Variants in REC114 observed in about 807,000 individuals in gnomAD.
REC114 encodes the protein meiotic recombination protein REC114.
Under a neutral mutation model 31.3 loss-of-function variants are expected in REC114, and 27 were observed. The ratio of observed to expected loss-of-function variants is 0.86; its 90% CI spans 0.64 to 1.19. The LOEUF (loss-of-function observed/expected upper bound fraction) is 1.19. Among genes scored for constraint, REC114 ranks in the 50% most tolerant of loss-of-function variants. The pLI is 0.00. For synonymous variants in REC114, 134 were observed against 127.7 expected (o/e 1.05, Z -0.33); for missense variants, 344 against 326.9 (o/e 1.05, Z -0.40).
intron 2 of REC114, among the ~76,000 whole-genome samples, chr15:73,508,343 CAT>C (rs1056937419): frequency 1.3e-5 from 2 of 151,296 alleles, no homozygotes; most frequent in Admixed American, 6.6e-5. Flanking sequence ...CTGCTGGTGA[CAT>C]AGCACACTGT....
At chr15:73,494,863 C>T (rs1009048037) in intron 2 of REC114, among the ~76,000 whole-genome samples, 2 of 152,122 alleles carry the variant, frequency 1.3e-5, no homozygotes, top group South Asian at 2.1e-4. Context: ...GGAAAGTTAG[C>T]GTATATATCT....
intron 2 of REC114, among the ~76,000 whole-genome samples, chr15:73,513,361 A>G (rs1448308931): frequency 1.3e-5 from 2 of 149,766 alleles, no homozygotes; most frequent in Non-Finnish European, 3.0e-5. Context: ...TTTTTTTCAA[A>G]GTTTTCAACT....
rs148736034 is a variant in REC114, at chr15:73,443,170, T to A, written c.-16T>A. On this transcript the variant is annotated 5_prime_UTR_variant, in exon 1 of 6. Coordinates refer to ENST00000331090, the MANE Select transcript of REC114 (RefSeq NM_001042367.2). Reference sequence around the variant, plus strand: ...TTGGCAGGTCCCCGCCGGCAGTGCGTGTGGTGAGGCAGGACATGGCGGAGG... The same window carrying A: ...TTGGCAGGTCCCCGCCGGCAGTGCGAGTGGTGAGGCAGGACATGGCGGAGG... The A allele has an allele frequency of 1.7e-4, 261 of 1,547,852 alleles. 1 individual carries two copies. In the African/African-American group the frequency reaches 3.3e-3, roughly 20 times the overall value.
At chr15:73,472,820 C>T (rs1007914411) in intron 1 of REC114, among the ~76,000 whole-genome samples, 2 of 151,900 alleles carry the variant, frequency 1.3e-5, no homozygotes, top group African/African-American at 4.8e-5. Context: ...GGGGCTAATC[C>T]AAGGTTTTAT....
intron 2 of REC114, among the ~76,000 whole-genome samples, chr15:73,494,277 G>T (rs1259416640): frequency 6.6e-6 from 1 of 152,128 alleles, no homozygotes; most frequent in Non-Finnish European, 1.5e-5. Context: ...GGCAGAGATT[G>T]CAGTGAGCCG....
intron 5 of REC114, among the ~76,000 whole-genome samples, chr15:73,559,501 T>C (rs886473979): frequency 2.0e-5 from 3 of 152,242 alleles, no homozygotes; most frequent in Admixed American, 2.0e-4. Flanking sequence ...ATTTCATCAG[T>C]ACATTTGAAA....
chr15:73,475,244 G>C (rs1044217077), intron 2 of REC114, among the ~76,000 whole-genome samples: 3 of 152,144 alleles, frequency 2.0e-5, no homozygotes, highest in Non-Finnish European at 2.9e-5. Flanking sequence ...ATCACACATA[G>C]AATGATTTTT....
In REC114 at chr15:73,520,705, A is replaced by T. The variant is rs530348190; in HGVS notation, c.250-19780A>T. 1.2e-4 allele frequency among the ~76,000 whole-genome samples: 19 copies of T among 152,246 alleles called. No individual in the cohort carries two copies. The South Asian group carries it at 3.7e-3, about 30-fold the overall frequency. On this transcript the variant is annotated intron_variant, in intron 2 of 5. Coordinates refer to ENST00000331090, the MANE Select transcript of REC114 (RefSeq NM_001042367.2). ...TTTGCAGTGGTATTAATAGATTTGTATGATTAACCTTATTTTTCCTGGTTC... is the reference window on the plus strand; with the variant it reads ...TTTGCAGTGGTATTAATAGATTTGTTTGATTAACCTTATTTTTCCTGGTTC...
At chr15:73,499,571 G>C (rs914495846) in intron 2 of REC114, among the ~76,000 whole-genome samples, 1 of 152,122 alleles carries the variant, frequency 6.6e-6, no homozygotes, top group Non-Finnish European at 1.5e-5. Context: ...ATCTCCCACT[G>C]ATCACTTTCT....
chr15:73,498,603 T>C (rs1244356070), intron 2 of REC114, among the ~76,000 whole-genome samples: 1 of 152,188 alleles, frequency 6.6e-6, no homozygotes, highest in South Asian at 2.1e-4. Context: ...CAGGGAAGAA[T>C]AAATGAGTTT....
intron 3 of REC114, among the ~76,000 whole-genome samples, chr15:73,549,307 A>G (rs1262904515): frequency 1.3e-5 from 2 of 152,238 alleles, no homozygotes; most frequent in Non-Finnish European, 2.9e-5. Context: ...GTGGGATCTA[A>G]AAATCAAAAC....
At chr15:73,542,092 A>G (rs1244935290) in intron 3 of REC114, among the ~76,000 whole-genome samples, 1 of 152,018 alleles carries the variant, frequency 6.6e-6, no homozygotes, top group East Asian at 1.9e-4. Context: ...GCATTTTAGG[A>G]GGCCAAGACA....
chr15:73,529,138 A>ATT (rs1205314053), intron 2 of REC114, among the ~76,000 whole-genome samples: 3 of 150,366 alleles, frequency 2.0e-5, no homozygotes, highest in African/African-American at 7.4e-5. Flanking sequence ...TTATTTATTT[A>ATT]TTTTATTTTT....
intron 2 of REC114, among the ~76,000 whole-genome samples, chr15:73,482,545 A>G (rs565411759): frequency 2.6e-5 from 4 of 152,334 alleles, no homozygotes; most frequent in African/African-American, 7.2e-5. Flanking sequence ...AGCCTCAGGT[A>G]TTCCTTTATA....
chr15:73,526,783 A>T lies in REC114; in HGVS notation c.250-13702A>T, dbSNP rs181104328. Among the ~76,000 whole-genome samples, 650 of 152,274 alleles carry T rather than the reference A, an allele frequency of 4.3e-3. 6 individuals carry two copies. Among genetic ancestry groups the T allele is most frequent in the African/African-American group, 0.015 (618 of 41,564 alleles). On this transcript the variant is annotated intron_variant, in intron 2 of 5. Transcript: ENST00000331090. ...CATATATCTAGTACTTTTTGATCAGATGTCAGATATTGTGACTTTTACATT... is the reference window on the plus strand; with the variant it reads ...CATATATCTAGTACTTTTTGATCAGTTGTCAGATATTGTGACTTTTACATT...
chr15:73,555,963 G>A (rs1253136330), intron 4 of REC114, among the ~76,000 whole-genome samples: 4 of 152,078 alleles, frequency 2.6e-5, no homozygotes, highest in Admixed American at 1.3e-4. Context: ...TAACAGCACC[G>A]GGCCCACCCT....
Position 73,508,714 on chromosome 15 carries a change from G to A in REC114, c.250-31771G>A, listed in dbSNP as rs866286446. Among the ~76,000 whole-genome samples the A allele has an allele frequency of 9.0e-3, 1,321 of 147,434 alleles. 22 individuals are homozygous for A. Among genetic ancestry groups the A allele is most frequent in the African/African-American group, 0.03 (1,181 of 39,900 alleles). On this transcript the variant is annotated intron_variant, in intron 2 of 5. Coordinates refer to ENST00000331090, the MANE Select transcript of REC114 (RefSeq NM_001042367.2). ...GCGGTGTTTGGTTTTTTGTTCTTGC[G>A]ATAGTTTACTGAGAATGATGATTTC...
chr15:73,548,991 T>C (rs867225016), intron 3 of REC114, among the ~76,000 whole-genome samples: 13 of 151,880 alleles, frequency 8.6e-5, no homozygotes, highest in African/African-American at 2.4e-4. Flanking sequence ...AACACATGAA[T>C]ACATAGAGGG....
intron 2 of REC114, among the ~76,000 whole-genome samples, chr15:73,484,883 G>A (rs1353680327): frequency 2.0e-5 from 3 of 151,976 alleles, no homozygotes; most frequent in African/African-American, 2.4e-5. Context: ...TTTCACACCC[G>A]GCCCAAATGT....
Sources: allele counts gnomAD v4.1 joint callset (sites outside exome capture counted in the v4.1 genomes callset), GRCh38; gene constraint gnomAD v4.1.1; transcripts MANE v1.5; gene names NCBI Gene and HGNC (gene_info 2026-07-23, HGNC 2026-07-21).